NFAT5: variants seen among roughly 807,000 people sequenced by gnomAD.
The protein encoded by NFAT5 is nuclear factor of activated T cells 5, also known as nuclear factor of activated T-cells 5.
A neutral mutation model predicts 166.5 loss-of-function variants in NFAT5; 31 were observed. That is an observed-to-expected ratio of 0.19 (90% confidence interval 0.14 to 0.25). The LOEUF (loss-of-function observed/expected upper bound fraction) is 0.25. Among genes scored for constraint, NFAT5 ranks in the 10% least tolerant of loss-of-function variants. The pLI, the probability that NFAT5 is intolerant of heterozygous loss-of-function variation, is 1.00. For missense variants in NFAT5, 1,449 were observed against 1,821.8 expected (o/e 0.80, Z 3.72); for synonymous variants, 612 against 639.7 (o/e 0.96, Z 0.65).
At position 69,692,241 on chromosome 16, in the gene NFAT5, G is replaced by C; in HGVS notation, c.2416G>C (p.Ala806Pro). ...LQAGSFTGST[A>P]SGSSGSVDLV... ...AGCAGGGAGTTTCACAGGCAGTACT[G>C]CTAGTGGCAGCAGTGGAAGTGTTGA... The change falls in exon 13 of 15, where the codon GCT becomes CCT. Residue 806 changes from alanine (A) to proline (P), a missense_variant. Physicochemically the swap from Ala to Pro is conservative, Grantham distance 27. Around this residue, in one of 7 missense-constraint regions of NFAT5, gnomAD observed 891 missense variants for 993.0 expected, o/e 0.90. Transcript: ENST00000349945. 1 of 1,614,168 alleles carries C rather than the reference G, an allele frequency of 6.2e-7. No homozygotes were observed. Among genetic ancestry groups the C allele is most frequent in the Non-Finnish European group, 8.5e-7 (1 of 1,180,044 alleles).
At chr16:69,620,755 A>G (rs966923992) in intron 2 of NFAT5, among the ~76,000 whole-genome samples, 4 of 152,202 alleles carry the variant, frequency 2.6e-5, no homozygotes, top group Admixed American at 2.6e-4. Context: ...ACAAGAGCAG[A>G]TTTTACCAGC....
intron 3 of NFAT5, among the ~76,000 whole-genome samples, chr16:69,637,154 A>G (rs1286232577): frequency 6.6e-6 from 1 of 152,200 alleles, no homozygotes; most frequent in Non-Finnish European, 1.5e-5. Context: ...TTGCTAAAAC[A>G]TAACAAGAGT....
chr16:69,572,454 A>T (rs1241597984), intron 2 of NFAT5, among the ~76,000 whole-genome samples: 4 of 152,194 alleles, frequency 2.6e-5, no homozygotes, highest in African/African-American at 9.6e-5. Flanking sequence ...TATTTTTTTT[A>T]AATAAAATTG....
At chr16:69,601,680 T>A (rs1427383640) in intron 2 of NFAT5, among the ~76,000 whole-genome samples, 1 of 152,232 alleles carries the variant, frequency 6.6e-6, no homozygotes, top group East Asian at 1.9e-4. Flanking sequence ...ATCAATGTGG[T>A]TTAAATAACA....
intron 2 of NFAT5, among the ~76,000 whole-genome samples, chr16:69,622,979 CTA>C (rs2034271586): frequency 6.6e-6 from 1 of 152,104 alleles, no homozygotes; most frequent in East Asian, 1.9e-4. Context: ...AACCCCGTCT[CTA>C]TTAAGAATAC....
chr16:69,582,396 G>T (rs2031759001), intron 2 of NFAT5, among the ~76,000 whole-genome samples: 1 of 151,910 alleles, frequency 6.6e-6, no homozygotes, highest in South Asian at 2.1e-4. Flanking sequence ...TTTCTTTGTT[G>T]CTCATGCTTT....
chr16:69,583,167 A>G (rs761438815), intron 2 of NFAT5, among the ~76,000 whole-genome samples: 10 of 151,684 alleles, frequency 6.6e-5, no homozygotes, highest in Non-Finnish European at 1.5e-4. Context: ...TATTTATTAA[A>G]TTTCTGTTTT....
chr16:69,693,696 C>T lies in NFAT5; in HGVS notation c.3871C>T (p.Gln1291Ter), dbSNP rs1383741843. The T allele has an allele frequency of 6.2e-7, 1 of 1,614,240 alleles. No homozygotes were observed. Among genetic ancestry groups the T allele is most frequent in the Non-Finnish European group, 8.5e-7 (1 of 1,180,042 alleles). Residue 1291 changes from glutamine to a stop codon, truncating the protein, a stop_gained, in exon 13 of 15, where the codon CAG becomes TAG. Coordinates refer to ENST00000349945, the MANE Select transcript of NFAT5 (RefSeq NM_138713.4). LOFTEE classifies it high-confidence loss of function. ...QQQQSILFSNQNTMATMASPK... is the reference protein window; with the variant it reads ...QQQQSILFSN ...ACAACAGAGCATTTTATTCAGTAATCAGAATACCATGGCTACAATGGCGTC... is the reference window on the plus strand; with the variant it reads ...ACAACAGAGCATTTTATTCAGTAATTAGAATACCATGGCTACAATGGCGTC...
chr16:69,691,183 C>T, intron 12 of NFAT5, 95 bp downstream of exon 12: 1 of 1,177,832 alleles, frequency 8.5e-7, no homozygotes, highest in Non-Finnish European at 1.1e-6. Context: ...TTTGGATGCA[C>T]TTAATGAATT....
rs2037609754 is a variant in NFAT5, at chr16:69,692,947, T to G, written c.3122T>G (p.Leu1041Arg). ...GGGGACAATCAACCTCAAGTTAACC[T>G]TTTTTCATCCACAAAAAGTATGATG... ...HSGDNQPQVN[L>R]FSSTKSMMSV... The change falls in exon 13 of 15, where the codon CTT (leucine) becomes CGT (arginine). Residue 1041 changes from leucine (L) to arginine (R), a missense_variant. Physicochemically the swap from Leu to Arg is moderately radical, Grantham distance 102. Around this residue, in one of 7 missense-constraint regions of NFAT5, gnomAD observed 891 missense variants for 993.0 expected, o/e 0.90. Coordinates refer to ENST00000349945, the MANE Select transcript of NFAT5 (RefSeq NM_138713.4). 1 of 1,613,960 alleles carries G rather than the reference T, an allele frequency of 6.2e-7. No individual in the cohort carries two copies. The highest frequency in any genetic ancestry group is 8.5e-7 in the Non-Finnish European group (1 of 1,180,006).
At position 69,647,695 on chromosome 16, in the gene NFAT5, C is replaced by T. The variant is rs897143448; in HGVS notation, c.812+109C>T. 12 of 974,638 alleles carry T rather than the reference C, an allele frequency of 1.2e-5. No individual in the cohort carries two copies. The African/African-American group carries it at 1.3e-4, about 11-fold the overall frequency. The allele number at this position is 974,638 out of a possible 1,614,324, so 60.4% of individuals were successfully genotyped here. A position where few individuals can be genotyped will look rare whatever the true frequency, so the allele number is the denominator to read the frequency against. Reference sequence around the variant, plus strand: ...GAGCTCAAGTTTGCATATAAAGCAACAGTGCTAATTTTATCATTGAAATAC... The same window carrying T: ...GAGCTCAAGTTTGCATATAAAGCAATAGTGCTAATTTTATCATTGAAATAC... On this transcript the variant is annotated intron_variant, in intron 4 of 14. Transcript: ENST00000349945. The surrounding 1 kb of genome is among the most constrained non-coding windows in gnomAD (Gnocchi z 4.8).
chr16:69,633,248 T>G (rs2034798953), intron 3 of NFAT5, among the ~76,000 whole-genome samples: 1 of 152,214 alleles, frequency 6.6e-6, no homozygotes, highest in Non-Finnish European at 1.5e-5. Flanking sequence ...TTTATATTAC[T>G]TGAGTCAACA....
intron 2 of NFAT5, among the ~76,000 whole-genome samples, chr16:69,599,526 G>A (rs1464387578): frequency 6.6e-6 from 1 of 152,138 alleles, no homozygotes; most frequent in Non-Finnish European, 1.5e-5. Flanking sequence ...AGCCAAGATT[G>A]TGCCACTGCA....
intron 2 of NFAT5, among the ~76,000 whole-genome samples, chr16:69,577,578 T>C (rs921282606): frequency 5.9e-5 from 9 of 152,284 alleles, no homozygotes; most frequent in African/African-American, 2.2e-4. Flanking sequence ...TTATGTGAAG[T>C]TCTTTAAAAG....
At chr16:69,627,080 A>G (rs1024869967) in intron 3 of NFAT5, among the ~76,000 whole-genome samples, 1 of 151,802 alleles carries the variant, frequency 6.6e-6, no homozygotes, top group Non-Finnish European at 1.5e-5. Context: ...TATATTGATG[A>G]AAAGGTATAG....
chr16:69,677,377 A>C (rs767890459), intron 10 of NFAT5, 42 bp downstream of exon 10: 25 of 1,500,150 alleles, frequency 1.7e-5, no homozygotes, highest in Admixed American at 2.4e-5. Flanking sequence ...CAAATAATTA[A>C]TTTCCAGTTT....
At chr16:69,651,866 T>C (rs1032574371) in intron 4 of NFAT5, among the ~76,000 whole-genome samples, 3 of 151,802 alleles carry the variant, frequency 2.0e-5, no homozygotes, top group Non-Finnish European at 4.4e-5. Context: ...GAGACGGGGT[T>C]TCACCATGTT....
intron 3 of NFAT5, 38 bp from the exon 4 acceptor site, chr16:69,646,987 AAAC>A: frequency 6.9e-7 from 1 of 1,454,518 alleles, no homozygotes; most frequent in Non-Finnish European, 9.2e-7. Context: ...GCATAGGTGA[AAAC>A]ATGTATAGTG....
intron 7 of NFAT5, among the ~76,000 whole-genome samples, chr16:69,661,059 T>C (rs1242258620): frequency 6.8e-6 from 1 of 147,292 alleles, no homozygotes; most frequent in Non-Finnish European, 1.5e-5. Flanking sequence ...ATCTGCCCAC[T>C]CCTCCCAGCA....
Sources: allele counts gnomAD v4.1 joint callset (sites outside exome capture counted in the v4.1 genomes callset), GRCh38; gene constraint gnomAD v4.1.1; regional missense constraint gnomAD v4.1.1; non-coding constraint Gnocchi (gnomAD v3.1); transcripts MANE v1.5; gene names NCBI Gene and HGNC (gene_info 2026-07-23, HGNC 2026-07-21).